The following CEMIP2 variants were observed in gnomAD, a reference collection of about 807,000 sequenced individuals.
CEMIP2 encodes the protein cell surface hyaluronidase CEMIP2.
A neutral mutation model predicts 146.9 loss-of-function variants in CEMIP2; 79 were observed. That is an observed-to-expected ratio of 0.54 (90% CI 0.45 to 0.65). The LOEUF is 0.65. Ranked by LOEUF, CEMIP2 falls within the 30% of genes least tolerant of loss-of-function variation. The pLI, the probability that CEMIP2 is intolerant of heterozygous loss-of-function variation, is 0.00. For synonymous variants in CEMIP2, 601 were observed against 606.3 expected (o/e 0.99, Z 0.13); for missense variants, 1,596 against 1,696.2 (o/e 0.94, Z 1.04).
At chr9:71,726,654 G>A (rs571872744) in intron 10 of CEMIP2, among the ~76,000 whole-genome samples, 1 of 152,170 alleles carries the variant, frequency 6.6e-6, no homozygotes, top group Non-Finnish European at 1.5e-5. Context: ...TGGGAGGAGA[G>A]ATGAGAGAGG....
At chr9:71,739,923 GAA>G in intron 5 of CEMIP2, 138 bp downstream of exon 5, 3 of 782,534 alleles carry the variant, frequency 3.8e-6, no homozygotes, top group Non-Finnish European at 5.8e-6. Flanking sequence ...AGCACAGTAG[GAA>G]AACTAAGTTT....
intron 17 of CEMIP2, among the ~76,000 whole-genome samples, chr9:71,705,583 A>G (rs1414091544): frequency 6.6e-6 from 1 of 151,794 alleles, no homozygotes; most frequent in African/African-American, 2.4e-5. Flanking sequence ...ATCCATATTG[A>G]CTCCTCAATT....
chr9:71,731,481 C>G (rs1823614836), intron 7 of CEMIP2, among the ~76,000 whole-genome samples: 1 of 152,132 alleles, frequency 6.6e-6, no homozygotes. Context: ...TCACACCTAG[C>G]ACTTTGGGAG....
chr9:71,694,099 T>TTTTATTTA (rs77361296), intron 21 of CEMIP2, among the ~76,000 whole-genome samples: 3,743 of 145,528 alleles, frequency 0.026, 58 homozygotes, highest in Admixed American at 0.038. Flanking sequence ...TGTTGTTTAT[T>TTTTATTTA]TTTATTTATT....
At chr9:71,758,560 T>G (rs1287082285) in intron 1 of CEMIP2, among the ~76,000 whole-genome samples, 1 of 152,174 alleles carries the variant, frequency 6.6e-6, no homozygotes, top group Non-Finnish European at 1.5e-5. Flanking sequence ...AAAGGTGGTC[T>G]TGTTATGTAG....
At chr9:71,694,034 G>C (rs146394986) in intron 21 of CEMIP2, among the ~76,000 whole-genome samples, 1 of 152,196 alleles carries the variant, frequency 6.6e-6, no homozygotes, top group Non-Finnish European at 1.5e-5. Flanking sequence ...CACTCAATTT[G>C]CTGGTGCCTT....
chr9:71,720,377 A>G (rs34208269), intron 12 of CEMIP2, among the ~76,000 whole-genome samples: 86,047 of 151,992 alleles, frequency 0.57, 26,889 homozygotes, highest in East Asian at 0.72. Context: ...TGCAACCTCC[A>G]CCTCCAGGGT....
At chr9:71,687,052 T>C (rs916594140) in intron 22 of CEMIP2, 4 of 152,232 alleles carry the variant, frequency 2.6e-5, no homozygotes, top group Non-Finnish European at 5.9e-5. Context: ...TCCGTTCTTC[T>C]CTGATCTTGC....
At chr9:71,758,446 G>C (rs1271828405) in intron 1 of CEMIP2, among the ~76,000 whole-genome samples, 2 of 152,212 alleles carry the variant, frequency 1.3e-5, no homozygotes, top group Non-Finnish European at 2.9e-5. Context: ...ATACCTTCTA[G>C]AAATTGGAGA....
Position 71,714,923 on chromosome 9 carries a change from G to A in CEMIP2, c.2591+11C>T. ...TTAAATTTAACACTCCACAGCTAAAGCAATGCTTACCTGTTCCTGGGTAAT... is the reference window on the plus strand; with the variant it reads ...TTAAATTTAACACTCCACAGCTAAAACAATGCTTACCTGTTCCTGGGTAAT... On this transcript the variant is annotated intron_variant, in intron 15 of 23. Coordinates refer to ENST00000377044, the MANE Select transcript of CEMIP2 (RefSeq NM_013390.3). The A allele has an allele frequency of 6.2e-7, 1 of 1,610,356 alleles. No homozygotes were observed.
At chr9:71,695,956 T>C (rs1175392590) in intron 20 of CEMIP2, among the ~76,000 whole-genome samples, 3 of 151,402 alleles carry the variant, frequency 2.0e-5, no homozygotes, top group African/African-American at 7.3e-5. Flanking sequence ...CCTCTATATT[T>C]AAGAAAAAAA....
At position 71,746,229 on chromosome 9, in the gene CEMIP2, G is replaced by C. The variant is rs113371394; in HGVS notation, c.444C>G (p.Thr148=). 3.7e-6 allele frequency: 6 copies of C among 1,613,834 alleles called. No individual in the cohort carries two copies. Among genetic ancestry groups the C allele is most frequent in the Non-Finnish European group, 5.1e-6 (6 of 1,179,822 alleles). ...CATCCTGAATGACTATAGAATGCAC[G>C]GTGGCGTCTGAGGTCAGACGGAGCA... ...GDMLRLTSDA[T]VHSIVIQDGG... The change falls in exon 3 of 24, where the codon ACC becomes ACG. Residue 148 remains threonine, a synonymous_variant. Transcript: ENST00000377044.
At chr9:71,760,847 G>A (rs1037618048) in intron 1 of CEMIP2, among the ~76,000 whole-genome samples, 9 of 152,116 alleles carry the variant, frequency 5.9e-5, no homozygotes, top group African/African-American at 2.2e-4. Flanking sequence ...TAGAAAAAAG[G>A]GAAAAAGGTC....
chr9:71,723,814 T>A (rs1470459744), intron 11 of CEMIP2, among the ~76,000 whole-genome samples: 1 of 152,182 alleles, frequency 6.6e-6, no homozygotes, highest in African/African-American at 2.4e-5. Context: ...TGTGTGCATG[T>A]ATGTGTTTAT....
At chr9:71,751,055 T>C (rs1020859331) in intron 1 of CEMIP2, among the ~76,000 whole-genome samples, 1 of 152,234 alleles carries the variant, frequency 6.6e-6, no homozygotes, top group African/African-American at 2.4e-5. Context: ...CTGGAATGTA[T>C]GAATCATAAA....
At chr9:71,702,765 A>G (rs1822609118) in intron 18 of CEMIP2, among the ~76,000 whole-genome samples, 1 of 152,160 alleles carries the variant, frequency 6.6e-6, no homozygotes, top group South Asian at 2.1e-4. Context: ...ATAAACTTTC[A>G]GCTAATTAAA....
In CEMIP2 at chr9:71,742,406, G is replaced by T. The variant is rs554883805; in HGVS notation, c.1035-2174C>A. ...AAAACAATGTTCTTTCTCTTCTATCGACATTATCTCCAAAACACTCCTACT... is the reference window on the plus strand; with the variant it reads ...AAAACAATGTTCTTTCTCTTCTATCTACATTATCTCCAAAACACTCCTACT... On this transcript the variant is annotated intron_variant, in intron 4 of 23. Transcript: ENST00000377044. Among the ~76,000 whole-genome samples the T allele has an allele frequency of 1.3e-4, 20 of 152,154 alleles. No individual in the cohort carries two copies. The East Asian group carries it at 3.1e-3, about 24-fold the overall frequency.
At chr9:71,757,984 C>T (rs1824514761) in intron 1 of CEMIP2, among the ~76,000 whole-genome samples, 1 of 152,080 alleles carries the variant, frequency 6.6e-6, no homozygotes, top group Non-Finnish European at 1.5e-5. Flanking sequence ...ACTTAAATAA[C>T]TATTATAAAG....
At chr9:71,764,417 A>G (rs952505573) in intron 1 of CEMIP2, among the ~76,000 whole-genome samples, 3 of 151,896 alleles carry the variant, frequency 2.0e-5, no homozygotes, top group Admixed American at 2.0e-4. Context: ...TATATCTGAG[A>G]AAGAAAAAAA....
Sources: allele counts gnomAD v4.1 joint callset (sites outside exome capture counted in the v4.1 genomes callset), GRCh38; gene constraint gnomAD v4.1.1; transcripts MANE v1.5; gene names NCBI Gene and HGNC (gene_info 2026-07-23, HGNC 2026-07-21).